The following ADAMTS14 variants were observed in gnomAD, a reference collection of about 807,000 sequenced individuals.
ADAMTS14 encodes ADAM metallopeptidase with thrombospondin type 1 motif 14, also known as A disintegrin and metalloproteinase with thrombospondin motifs 14.
A neutral mutation model predicts 128.6 loss-of-function variants in ADAMTS14; 100 were observed. That is an observed-to-expected ratio of 0.78 (90% CI 0.66 to 0.92). The LOEUF (loss-of-function observed/expected upper bound fraction) is 0.92. ADAMTS14 is among the 40% of genes least tolerant of loss of function. The pLI is 0.00. For synonymous variants in ADAMTS14, 665 were observed against 653.8 expected (o/e 1.02, Z -0.26); for missense variants, 1,562 against 1,658.6 (o/e 0.94, Z 1.01).
chr10:70,685,839 G>A (rs921886362), intron 2 of ADAMTS14, among the ~76,000 whole-genome samples: 11 of 152,172 alleles, frequency 7.2e-5, no homozygotes, highest in African/African-American at 2.7e-4. Flanking sequence ...AGGGGCCTGG[G>A]GGTACTGAGT....
rs577944117 is a variant in ADAMTS14 at position 70,672,918 on chromosome 10, G to T, written c.82+34G>T. 3.0e-5 allele frequency: 43 copies of T among 1,419,134 alleles called. No homozygotes were observed. The African/African-American group carries it at 6.3e-4, about 21-fold the overall frequency. 87.9% of individuals were successfully genotyped at this position (1,419,134 alleles called of 1,614,324 possible). On this transcript the variant is annotated intron_variant, in intron 1 of 21. Transcript: ENST00000373207. Reference sequence around the variant, plus strand: ...GGGTTGGGCGCGCGGGGGCCCGTGGGGTCCGGGGTGCACGCGGTCAGGGTG... The same window carrying T: ...GGGTTGGGCGCGCGGGGGCCCGTGGTGTCCGGGGTGCACGCGGTCAGGGTG...
At chr10:70,718,214 C>A (rs893033395) in intron 4 of ADAMTS14, among the ~76,000 whole-genome samples, 1 of 152,182 alleles carries the variant, frequency 6.6e-6, no homozygotes, top group Non-Finnish European at 1.5e-5. Context: ...CTCTAAGGAG[C>A]TCATCCTCCT....
Position 70,674,943 on chromosome 10 carries a change from G to T in ADAMTS14, c.470G>T (p.Gly157Val). Residue 157 changes from glycine to valine, a missense_variant, in exon 2 of 22, where the codon GGT becomes GTT. Coordinates refer to ENST00000373207, the MANE Select transcript of ADAMTS14 (RefSeq NM_080722.4). ...PLRQECVYTG[G>V]VTGMPGAAVA... ...CGGCAGGAGTGTGTGTACACTGGAG[G>T]TGTCACTGGAATGCCTGGGGCAGCT... 1 of 1,613,232 alleles carries T rather than the reference G, an allele frequency of 6.2e-7. No individual in the cohort carries two copies. The highest frequency in any genetic ancestry group is 1.1e-5 in the South Asian group (1 of 91,084).
At chr10:70,701,094 G>C (rs556579576) in intron 2 of ADAMTS14, among the ~76,000 whole-genome samples, 6 of 152,194 alleles carry the variant, frequency 3.9e-5, no homozygotes, top group African/African-American at 1.2e-4. Context: ...GATGTTTTCT[G>C]TTTGATCCAC....
chr10:70,674,009 CT>C (rs1419522691), intron 1 of ADAMTS14, among the ~76,000 whole-genome samples: 3 of 152,188 alleles, frequency 2.0e-5, no homozygotes. Flanking sequence ...TCTTTCTAAC[CT>C]TGGAAAAATA....
chr10:70,722,832 C>A (rs940131806), intron 4 of ADAMTS14, among the ~76,000 whole-genome samples: 1 of 152,126 alleles, frequency 6.6e-6, no homozygotes, highest in Admixed American at 6.5e-5. Context: ...AATAAATAAA[C>A]GAAGAAGGGA....
Position 70,743,582 on chromosome 10 carries a change from G to A in ADAMTS14, c.1959G>A (p.Ala653=), listed in dbSNP as rs945512851. 31 of 1,612,586 alleles carry A rather than the reference G, an allele frequency of 1.9e-5. No homozygotes were observed. Among genetic ancestry groups the A allele is most frequent in the East Asian group, 8.9e-5 (4 of 44,856 alleles). ...AGTGTGAGCTGATCTGCCAGTCGGC[G>A]GACACGGGGGACGTGGTGTTCATGA... is the stretch of plus-strand genomic sequence containing the variant. ...AQKCELICQS[A]DTGDVVFMNQ... Residue 653 remains alanine (A), a synonymous_variant, in exon 13 of 22, where the codon GCG becomes GCA. Transcript: ENST00000373207.
In ADAMTS14 at chr10:70,758,250, C is replaced by G; in HGVS notation, c.3143C>G (p.Ser1048Cys). 6.2e-7 allele frequency: 1 copy of G among 1,614,234 alleles called. No homozygotes were observed. Among genetic ancestry groups the G allele is most frequent in the Non-Finnish European group, 8.5e-7 (1 of 1,180,024 alleles). ...GTPEGQWVPQ[S>C]EPLHPINKIS... ...CCAGAGGGGCAGTGGGTGCCACAAT[C>G]TGAACCCCTACATCCCATTAACAAG... Residue 1048 changes from serine to cysteine, a missense_variant, in exon 21 of 22, where the codon TCT becomes TGT. Physicochemically the swap from Ser to Cys is moderately radical, Grantham distance 112. Transcript: ENST00000373207.
In ADAMTS14 at chr10:70,690,415, G is replaced by C. The variant is rs189318545; in HGVS notation, c.523-11897G>C. ...GGAGACTGGCCAGTGATACCTGGAGGGTCATTGTGTCATCAGGAGCCACTT... is the reference window on the plus strand; with the variant it reads ...GGAGACTGGCCAGTGATACCTGGAGCGTCATTGTGTCATCAGGAGCCACTT... On this transcript the variant is annotated intron_variant, in intron 2 of 21. Coordinates refer to ENST00000373207, the MANE Select transcript of ADAMTS14 (RefSeq NM_080722.4). Among the ~76,000 whole-genome samples, 35 of 144,842 alleles carry C rather than the reference G, an allele frequency of 2.4e-4. 2 individuals are homozygous for C. The Middle Eastern group carries it at 0.011, about 45-fold the overall frequency.
At chr10:70,718,613 T>C (rs1841140460) in intron 4 of ADAMTS14, among the ~76,000 whole-genome samples, 1 of 151,950 alleles carries the variant, frequency 6.6e-6, no homozygotes, top group Non-Finnish European at 1.5e-5. Flanking sequence ...CTCGAACACC[T>C]GACCTCAAGT....
intron 7 of ADAMTS14, among the ~76,000 whole-genome samples, chr10:70,732,603 A>G (rs1194744482): frequency 6.6e-6 from 1 of 152,186 alleles, no homozygotes; most frequent in Admixed American, 6.5e-5. Flanking sequence ...CCAGCCTCCA[A>G]ATCCCAGGGC....
intron 4 of ADAMTS14, among the ~76,000 whole-genome samples, chr10:70,709,495 G>GTTTTTTTTTTTTTT (rs746940189): frequency 3.9e-5 from 4 of 101,840 alleles, no homozygotes; most frequent in East Asian, 3.8e-4. Context: ...AACATTTCCA[G>GTTTTTTTTTTTTTT]TTTTTTTTTT....
chr10:70,697,888 G>A (rs1840380787), intron 2 of ADAMTS14, among the ~76,000 whole-genome samples: 1 of 152,236 alleles, frequency 6.6e-6, no homozygotes, highest in African/African-American at 2.4e-5. Flanking sequence ...ACGATGTCAT[G>A]TTGGAGAATC....
intron 4 of ADAMTS14, among the ~76,000 whole-genome samples, chr10:70,714,114 G>A (rs1840943782): frequency 6.6e-6 from 1 of 152,130 alleles, no homozygotes; most frequent in Non-Finnish European, 1.5e-5. Context: ...GATCGCTGGA[G>A]CCCAGGAGTT....
intron 2 of ADAMTS14, among the ~76,000 whole-genome samples, chr10:70,701,040 T>C (rs558728779): frequency 9.4e-4 from 143 of 152,336 alleles, no homozygotes; most frequent in Non-Finnish European, 1.4e-3. Flanking sequence ...ATTGGGCCTG[T>C]TTATGAAGCA....
chr10:70,729,964 G>C (rs1358147887), intron 5 of ADAMTS14, 138 bp from the exon 6 acceptor site: 2 of 998,718 alleles, frequency 2.0e-6, no homozygotes, highest in Non-Finnish European at 2.8e-6. Flanking sequence ...GTTGAGTGGG[G>C]ACAGCTGGTG....
chr10:70,749,792 T>A (rs1842295080), intron 15 of ADAMTS14, 30 bp from the exon 16 acceptor site: 4 of 1,607,636 alleles, frequency 2.5e-6, no homozygotes. Flanking sequence ...GGAGCAGAAA[T>A]CTGTGTGACC....
chr10:70,731,544 G>A (rs373270115), intron 6 of ADAMTS14, among the ~76,000 whole-genome samples: 5 of 152,146 alleles, frequency 3.3e-5, no homozygotes, highest in Non-Finnish European at 7.4e-5. Context: ...GTGCTTAGCT[G>A]GTGCCGGCCC....
chr10:70,752,080 C>T lies in ADAMTS14; in HGVS notation c.2597-15C>T. On this transcript the variant is annotated splice_polypyrimidine_tract_variant and intron_variant, in intron 17 of 21. Transcript: ENST00000373207. ...CTGGCTGGACTAGGCCCACGGCAGC[C>T]TGCCCACCCCATAGGGATCCAGTTC... 1 of 1,606,776 alleles carries T rather than the reference C, an allele frequency of 6.2e-7. No individual in the cohort carries two copies. The highest frequency in any genetic ancestry group is 8.5e-7 in the Non-Finnish European group (1 of 1,176,552).
Sources: allele counts gnomAD v4.1 joint callset (sites outside exome capture counted in the v4.1 genomes callset), GRCh38; gene constraint gnomAD v4.1.1; transcripts MANE v1.5; gene names NCBI Gene and HGNC (gene_info 2026-07-23, HGNC 2026-07-21).